Variants in NOS3 observed in about 807,000 individuals in gnomAD.
The protein encoded by NOS3 is NOS type III.
Under a neutral mutation model 144.9 loss-of-function variants are expected in NOS3, and 98 were observed. That is an observed-to-expected ratio of 0.68 (90% confidence interval 0.57 to 0.80). The LOEUF (loss-of-function observed/expected upper bound fraction) is 0.80, where lower values mean the gene tolerates loss of function less well. Among genes scored for constraint, NOS3 ranks in the 30% least tolerant of loss-of-function variants. NOS3 has a pLI of 0.00. For synonymous variants in NOS3, 714 were observed against 702.4 expected, an observed-to-expected ratio of 1.02 and a Z score of -0.26; for missense variants, 1,465 against 1,656.4, an observed-to-expected ratio of 0.88 and a Z score of 2.01.
chr7:151,010,385 C>G, intron 21 of NOS3, 98 bp downstream of exon 21: 4 of 1,242,720 alleles, frequency 3.2e-6, no homozygotes, highest in Non-Finnish European at 4.5e-6. Context: ...CCCCCCTGGA[C>G]TTTCTTCTCC....
chr7:151,009,235 C>A lies in NOS3; in HGVS notation c.2292C>A (p.Arg764=). 6.2e-7 allele frequency: 1 copy of A among 1,613,940 alleles called. No individual in the cohort carries two copies. The highest frequency in any genetic ancestry group is 8.5e-7 in the Non-Finnish European group (1 of 1,179,904). The change falls in exon 19 of 27, where the codon CGC becomes CGA. Residue 764 remains arginine, a synonymous_variant. Coordinates refer to ENST00000297494, the MANE Select transcript of NOS3 (RefSeq NM_000603.5). Reference sequence around the variant, plus strand: ...GGAAGATGTTCCAGGCTACAATCCGCTCAGTGGAAAACCTGCAAAGCAGCA... The same window carrying A: ...GGAAGATGTTCCAGGCTACAATCCGATCAGTGGAAAACCTGCAAAGCAGCA... ...HRRKMFQATI[R]SVENLQSSKS... is the part of the protein sequence containing the mutation.
intron 14 of NOS3, among the ~76,000 whole-genome samples, chr7:151,004,701 C>T (rs1306502282): frequency 2.6e-5 from 4 of 152,166 alleles, no homozygotes; most frequent in African/African-American, 9.7e-5. Context: ...TACTGTACTA[C>T]AGGGTTCACT....
At chr7:151,006,734 G>T (rs3918191) in intron 15 of NOS3, among the ~76,000 whole-genome samples, 155 bp from the exon 16 acceptor site, 1,603 of 152,270 alleles carry the variant, frequency 0.011, 29 homozygotes, top group African/African-American at 0.037. Context: ...CCCCAGGCTC[G>T]GAACCCCAGG....
chr7:151,001,249 G>C lies in NOS3; in HGVS notation c.1252G>C (p.Val418Leu). Residue 418 changes from valine to leucine, a missense_variant, in exon 11 of 27, where the codon GTG becomes CTG. Val to Leu is a conservative substitution (Grantham distance 32, BLOSUM62 1). Transcript: ENST00000297494. ...CTTCCAGCTAGCCAAAGTCACCATC[G>C]TGGACCACCACGCCGCCACGGCCTC... ...HSYQLAKVTI[V>L]DHHAATASFM... 1 of 1,613,444 alleles carries C rather than the reference G, an allele frequency of 6.2e-7. No homozygotes were observed. The highest frequency in any genetic ancestry group is 8.5e-7 in the Non-Finnish European group (1 of 1,179,938).
At chr7:151,013,437 G>A in intron 25 of NOS3, 58 bp downstream of exon 25, 1 of 1,547,012 alleles carries the variant, frequency 6.5e-7, no homozygotes, top group Non-Finnish European at 8.7e-7. Context: ...GGGAGGACTC[G>A]CGCTCTCCAG....
At position 151,002,553 on chromosome 7, in the gene NOS3, A is replaced by G. The variant is rs1210639488; in HGVS notation, c.1752+249A>G. ...CATGTGGCTGCCTCCCTGCAAGCAC[A>G]TTTGCTTAACTGCGCGTCCCCAAGT... On this transcript the variant is annotated intron_variant, in intron 14 of 26. Coordinates refer to ENST00000297494, the MANE Select transcript of NOS3 (RefSeq NM_000603.5). This position sits in a 1 kb window ranked among gnomAD's most constrained non-coding sequence, Gnocchi z 4.1. Among the ~76,000 whole-genome samples the G allele has an allele frequency of 2.0e-5, 3 of 152,074 alleles. No individual in the cohort carries two copies. Among genetic ancestry groups the G allele is most frequent in the Admixed American group, 6.5e-5 (1 of 15,276 alleles).
intron 10 of NOS3, 66 bp from the exon 11 acceptor site, chr7:151,001,165 G>A (rs1418508399): frequency 1.9e-5 from 30 of 1,540,686 alleles, no homozygotes; most frequent in African/African-American, 2.7e-5. Context: ...GACCGGAGTG[G>A]TGGAGGAAGA....
chr7:151,003,065 T>TA lies in NOS3; in HGVS notation c.1752+762dup, dbSNP rs1488384693. 1 of 388,396 alleles carries TA rather than the reference T, an allele frequency of 2.6e-6. No homozygotes were observed. The highest frequency in any genetic ancestry group is 2.1e-5 in the African/African-American group (1 of 47,646). 24.1% of individuals were successfully genotyped at this position (388,396 alleles called of 1,614,324 possible). A position where few individuals can be genotyped will look rare whatever the true frequency, so the allele number is the denominator to read the frequency against. On this transcript the variant is annotated intron_variant, in intron 14 of 26. Transcript: ENST00000297494. This position sits in a 1 kb window ranked among gnomAD's most constrained non-coding sequence, Gnocchi z 4.1. The stretch of plus-strand genomic sequence containing the variant: ...CCAGGCTAGGCTCATTTCTGAGTCT[T>TA]ACCTGCTCCAGCTTCTAGGTGTTAA...
At chr7:151,012,764 G>T in intron 24 of NOS3, 2 of 365,206 alleles carry the variant, frequency 5.5e-6, no homozygotes, top group South Asian at 4.1e-5. Context: ...GCCCAAGGTG[G>T]ATTCTTGACT....
intron 9 of NOS3, 128 bp from the exon 10 acceptor site, chr7:151,000,370 C>T: frequency 7.6e-6 from 5 of 660,364 alleles, no homozygotes; most frequent in Non-Finnish European, 1.4e-5. Flanking sequence ...CCCTAGGCAG[C>T]CAGGCCTCCC....
At chr7:150,995,162 A>G in intron 2 of NOS3, 41 bp from the exon 3 acceptor site, 1 of 1,232,800 alleles carries the variant, frequency 8.1e-7, no homozygotes, top group Non-Finnish European at 1.2e-6. Context: ...GCTGAAAGGA[A>G]ACAAACCCTT....
intron 25 of NOS3, 85 bp downstream of exon 25, chr7:151,013,464 C>G (rs1795353590): frequency 6.7e-7 from 1 of 1,490,162 alleles, no homozygotes; most frequent in Admixed American, 2.0e-5. Context: ...ACACCAACCA[C>G]GGCCCTCCCG....
In NOS3 at chr7:150,996,478, C is replaced by T. The variant is rs900184268; in HGVS notation, c.345C>T (p.Pro115=). The change falls in exon 4 of 27, where the codon CCC becomes CCT. Residue 115 remains proline (P), a synonymous_variant. Transcript: ENST00000297494. ...FPRKLQGRPS[P]GPPAPEQLLS... is the part of the protein sequence containing the mutation. ...GGAAACTACAGGGCCGGCCCTCCCC[C>T]GGCCCCCCGGCCCCTGAGCAGCTGC... 1.3e-5 allele frequency: 20 copies of T among 1,597,208 alleles called. No homozygotes were observed. The highest frequency in any genetic ancestry group is 2.3e-5 in the East Asian group (1 of 44,250).
At chr7:151,013,965 G>A in intron 26 of NOS3, 43 bp from the exon 27 acceptor site, 1 of 1,606,758 alleles carries the variant, frequency 6.2e-7, no homozygotes, top group South Asian at 1.1e-5. Flanking sequence ...TCCTGCTAAG[G>A]TCTCCGAGTC....
At position 151,010,896 on chromosome 7, in the gene NOS3, C is replaced by G. The variant is rs775165647; in HGVS notation, c.2897-3C>G. 6 of 1,612,782 alleles carry G rather than the reference C, an allele frequency of 3.7e-6. No individual in the cohort carries two copies. Among genetic ancestry groups the G allele is most frequent in the Admixed American group, 1.7e-5 (1 of 59,972 alleles). On this transcript the variant is annotated splice_polypyrimidine_tract_variant and splice_region_variant and intron_variant, in intron 22 of 26. Transcript: ENST00000297494. ...CTCACCGGCCTCTCCTTCCCACCCC[C>G]AGATGGGCTGGGCCCCCTGCACTAT...
chr7:151,000,221 T>G (rs887897055), intron 9 of NOS3, among the ~76,000 whole-genome samples: 23 of 152,028 alleles, frequency 1.5e-4, no homozygotes, highest in East Asian at 9.7e-4. Context: ...TTTCATCAGA[T>G]TCTCAAAGGG....
At chr7:151,000,455 A>G (rs370319175) in intron 9 of NOS3, 43 bp from the exon 10 acceptor site, 1 of 1,249,778 alleles carries the variant, frequency 8.0e-7, no homozygotes, top group South Asian at 1.2e-5. Flanking sequence ...CACCCCCGTG[A>G]TCACCTCTGT....
chr7:150,997,928 G>A (rs1316557888), intron 5 of NOS3, among the ~76,000 whole-genome samples: 1 of 152,166 alleles, frequency 6.6e-6, no homozygotes. Flanking sequence ...GTCCTAGGAG[G>A]CCTCTGGTGC....
At chr7:151,013,611 G>A in intron 25 of NOS3, 113 bp from the exon 26 acceptor site, 2 of 1,014,442 alleles carry the variant, frequency 2.0e-6, no homozygotes, top group East Asian at 3.2e-5. Context: ...AGGGCACGCA[G>A]GCCCCACCAG....
Sources: gnomAD v4.1 joint callset for allele counts (sites outside exome capture counted in the v4.1 genomes callset) on GRCh38, gnomAD v4.1.1 for gene constraint, Gnocchi (gnomAD v3.1) non-coding constraint, MANE v1.5 for transcripts, NCBI Gene and HGNC (gene_info 2026-07-23, HGNC 2026-07-21) for gene names.